CNTN6: variants seen among roughly 807,000 people sequenced by gnomAD.
CNTN6 encodes the protein contactin 6.
CNTN6 carries 137 observed loss-of-function variants against 122.8 expected under a neutral mutation model. The observed-to-expected ratio is 1.12, with a 90% CI of 0.97 to 1.29. The LOEUF is 1.29. CNTN6 is among the 50% of genes most tolerant of loss of function. CNTN6 has a pLI of 0.00. For missense variants in CNTN6, 1,634 were observed against 1,223.4 expected (o/e 1.34, Z -5.01); for synonymous variants, 570 against 426.0 (o/e 1.34, Z -4.16).
intron 2 of CNTN6, among the ~76,000 whole-genome samples, chr3:1,208,475 A>G (rs2093987978): frequency 1.3e-5 from 2 of 152,120 alleles, no homozygotes; most frequent in South Asian, 4.1e-4. Context: ...GCATTCTTCC[A>G]AAACCTCTAG....
At chr3:1,290,965 C>T (rs924623178) in intron 5 of CNTN6, among the ~76,000 whole-genome samples, 7 of 152,082 alleles carry the variant, frequency 4.6e-5, no homozygotes, top group African/African-American at 1.7e-4. Context: ...ACTTAAAATG[C>T]CTTAACTTTC....
intron 4 of CNTN6, among the ~76,000 whole-genome samples, chr3:1,261,414 A>G (rs554597452): frequency 2.6e-5 from 4 of 152,242 alleles, no homozygotes; most frequent in South Asian, 2.1e-4. Flanking sequence ...CCCTACAGCT[A>G]TCAAGCACAT....
chr3:1,217,818 G>A (rs538152959), intron 2 of CNTN6, among the ~76,000 whole-genome samples: 39 of 152,294 alleles, frequency 2.6e-4, no homozygotes, highest in African/African-American at 5.8e-4. Flanking sequence ...CTGAGGCCGG[G>A]TATTCTCCTG....
At chr3:1,103,359 C>G (rs1172979838) in intron 1 of CNTN6, among the ~76,000 whole-genome samples, 1 of 152,092 alleles carries the variant, frequency 6.6e-6, no homozygotes, top group Non-Finnish European at 1.5e-5. Flanking sequence ...TTAGAATTAG[C>G]CGGTGCTTAT....
At chr3:1,290,060 G>T (rs1441742585) in intron 5 of CNTN6, among the ~76,000 whole-genome samples, 1 of 152,214 alleles carries the variant, frequency 6.6e-6, no homozygotes, top group Non-Finnish European at 1.5e-5. Context: ...TAGCAATGCA[G>T]ATTTCCTGGC....
At position 1,147,955 on chromosome 3, in the gene CNTN6, C is replaced by T. The variant is rs2092757534; in HGVS notation, c.-54C>T. ...CTTGAGATACTGACTGGAAGATAGA[C>T]TGTTTTGTTCCACCTGATTGTATGG... On this transcript the variant is annotated 5_prime_UTR_variant, in exon 2 of 23. Coordinates refer to ENST00000446702, the MANE Select transcript of CNTN6 (RefSeq NM_001289080.2). The T allele has an allele frequency of 6.2e-6, 8 of 1,294,494 alleles. No homozygotes were observed. The highest frequency in any genetic ancestry group is 1.7e-5 in the Admixed American group (1 of 59,120). The allele number at this position is 1,294,494 out of a possible 1,614,324, so 80.2% of individuals were successfully genotyped here.
At chr3:1,175,389 G>A (rs979124320) in intron 2 of CNTN6, among the ~76,000 whole-genome samples, 3 of 151,024 alleles carry the variant, frequency 2.0e-5, no homozygotes, top group Non-Finnish European at 4.4e-5. Flanking sequence ...GGCATTTAGG[G>A]TATAGGCAAA....
intron 4 of CNTN6, among the ~76,000 whole-genome samples, chr3:1,257,457 C>T (rs796549600): frequency 6.6e-6 from 1 of 152,074 alleles, no homozygotes; most frequent in East Asian, 1.9e-4. Context: ...GGTCAGCACT[C>T]TTATAATTTC....
At chr3:1,272,739 CAG>C (rs1230145022) in intron 4 of CNTN6, among the ~76,000 whole-genome samples, 2 of 152,156 alleles carry the variant, frequency 1.3e-5, no homozygotes, top group African/African-American at 2.4e-5. Flanking sequence ...CCTTCTGTGT[CAG>C]GGGCTGGCAC....
chr3:1,157,604 T>C (rs1168316028), intron 2 of CNTN6, among the ~76,000 whole-genome samples: 2 of 152,144 alleles, frequency 1.3e-5, no homozygotes, highest in Non-Finnish European at 2.9e-5. Flanking sequence ...TTTTCTAACT[T>C]TTATTTTGTA....
chr3:1,299,031 A>G (rs958212261), intron 7 of CNTN6, among the ~76,000 whole-genome samples: 1 of 152,124 alleles, frequency 6.6e-6, no homozygotes, highest in African/African-American at 2.4e-5. Context: ...TGGTTACTAA[A>G]TCTTAGTTTG....
In CNTN6 at chr3:1,255,430, A is replaced by AG. The variant is rs2094739863; in HGVS notation, c.359-22983_359-22982insG. ...CATTTGAAAATGGAAAAAAAAAAAG[A>AG]AAGAAAGAAAGAAAGAAAGGAATTG... On this transcript the variant is annotated intron_variant, in intron 4 of 22. Transcript: ENST00000446702. 2.3e-5 allele frequency among the ~76,000 whole-genome samples: 3 copies of AG among 130,062 alleles called. No individual in the cohort carries two copies. The South Asian group carries it at 1.3e-3, about 55-fold the overall frequency. The allele number at this position is 130,062 out of a possible 152,430, so 85.3% of individuals were successfully genotyped here.
In CNTN6 at chr3:1,202,399, G is replaced by A. The variant is rs1051440155; in HGVS notation, c.56-18288G>A. Among the ~76,000 whole-genome samples the A allele has an allele frequency of 4.7e-5, 7 of 149,512 alleles. No homozygotes were observed. The East Asian group carries it at 1.2e-3, about 25-fold the overall frequency. On this transcript the variant is annotated intron_variant, in intron 2 of 22. Transcript: ENST00000446702. ...ACTAAAAATACAAGAAATCAGCCGG[G>A]CGTGGTGGCGGGCGCCTGTAGTCCC...
intron 4 of CNTN6, among the ~76,000 whole-genome samples, chr3:1,268,185 T>C (rs536148662): frequency 2.1e-4 from 32 of 152,224 alleles, no homozygotes; most frequent in Admixed American, 5.9e-4. Context: ...AGGATTTTTC[T>C]GGCTATTGTA....
rs543240878 is a variant in CNTN6, at chr3:1,102,690, C to T, written c.-83+9570C>T. On this transcript the variant is annotated intron_variant, in intron 1 of 22. Coordinates refer to ENST00000446702, the MANE Select transcript of CNTN6 (RefSeq NM_001289080.2). ...TTGCAGTGAGCAGAGATGGCGCCAC[C>T]GCCCTCCAGCCTGGGCGACAGGGCG... Among the ~76,000 whole-genome samples the T allele has an allele frequency of 2.5e-3, 363 of 146,068 alleles. 6 individuals are homozygous for T. Among genetic ancestry groups the T allele is most frequent in the Admixed American group, 3.3e-3 (49 of 14,650 alleles).
At chr3:1,198,677 G>T (rs1427102174) in intron 2 of CNTN6, among the ~76,000 whole-genome samples, 4 of 151,250 alleles carry the variant, frequency 2.6e-5, no homozygotes, top group Non-Finnish European at 4.4e-5. Flanking sequence ...AGCCAAGGTT[G>T]CAACATTGCA....
chr3:1,382,930 A>G lies in CNTN6; in HGVS notation c.2167-12A>G, dbSNP rs1692140311. ...TTGCAAATACTCAGTGATTGATCAC[A>G]TTCTGCCCAAGTCAATTCCAGAAGA... On this transcript the variant is annotated splice_polypyrimidine_tract_variant and intron_variant, in intron 17 of 22. Coordinates refer to ENST00000446702, the MANE Select transcript of CNTN6 (RefSeq NM_001289080.2). The G allele has an allele frequency of 6.3e-7, 1 of 1,596,818 alleles. No homozygotes were observed. The highest frequency in any genetic ancestry group is 2.2e-5 in the East Asian group (1 of 44,792).
intron 1 of CNTN6, among the ~76,000 whole-genome samples, chr3:1,099,393 G>T (rs563385399): frequency 6.6e-6 from 1 of 152,132 alleles, no homozygotes; most frequent in Non-Finnish European, 1.5e-5. Flanking sequence ...GGAGCTTGCA[G>T]TGAGCCGAGA....
intron 2 of CNTN6, among the ~76,000 whole-genome samples, chr3:1,207,734 C>T (rs1235156989): frequency 6.6e-6 from 1 of 152,078 alleles, no homozygotes; most frequent in African/African-American, 2.4e-5. Context: ...GCTGTATTTT[C>T]AGGCTCTAAG....
Sources: gnomAD v4.1 joint callset for allele counts (sites outside exome capture counted in the v4.1 genomes callset) on GRCh38, gnomAD v4.1.1 for gene constraint, MANE v1.5 for transcripts, NCBI Gene and HGNC (gene_info 2026-07-23, HGNC 2026-07-21) for gene names.